SMIM35: variants seen among roughly 807,000 people sequenced by gnomAD.
The protein encoded by SMIM35 is small integral membrane protein 35.
intron 1 of SMIM35, among the ~76,000 whole-genome samples, chr11:118,074,744 C>A (rs1462917293): frequency 1.2e-5 from 1 of 81,184 alleles, no homozygotes; most frequent in African/African-American, 4.5e-5. Context: ...GGGACCCTGT[C>A]TCAGAAAAAA....
intron 1 of SMIM35, among the ~76,000 whole-genome samples, chr11:118,057,672 G>C (rs1944335381): frequency 6.6e-6 from 1 of 152,230 alleles, no homozygotes. Flanking sequence ...TATTATATTT[G>C]CAAGTGAGTG....
intron 1 of SMIM35, among the ~76,000 whole-genome samples, chr11:118,029,512 G>T (rs564137701): frequency 6.6e-6 from 1 of 152,168 alleles, no homozygotes; most frequent in Non-Finnish European, 1.5e-5. Context: ...CTTGCCAGCT[G>T]GGGGAAGTTC....
rs550763977 is a variant in SMIM35 at position 118,041,341 on chromosome 11, TCAA to T, written c.8-25535_8-25533del. On this transcript the variant is annotated intron_variant, in intron 1 of 4. Transcript: ENST00000689828. ...AACAGACATCTGTAAAACACTCCAC[TCAA>T]CAACAAAATATGCATTCAAGTGTAC... 5.7e-4 allele frequency among the ~76,000 whole-genome samples: 87 copies of T among 152,084 alleles called. 2 individuals carry two copies. The South Asian group carries it at 0.017, about 30-fold the overall frequency.
chr11:118,084,802 CA>C (rs1945419516), intron 1 of SMIM35, among the ~76,000 whole-genome samples: 1 of 152,222 alleles, frequency 6.6e-6, no homozygotes, highest in South Asian at 2.1e-4. Context: ...CCCCATTTTA[CA>C]GATGAGAAAA....
chr11:118,066,936 T>C (rs1391984401), intron 1 of SMIM35, among the ~76,000 whole-genome samples: 11 of 151,746 alleles, frequency 7.2e-5, no homozygotes, highest in Admixed American at 4.6e-4. Flanking sequence ...AGAAAGATAA[T>C]GGGAGCCCCT....
intron 1 of SMIM35, among the ~76,000 whole-genome samples, chr11:118,037,233 G>A (rs1047850795): frequency 1.2e-4 from 18 of 152,192 alleles, no homozygotes; most frequent in African/African-American, 3.9e-4. Context: ...GGATGCCTTC[G>A]ATGTCATTAA....
chr11:118,013,212 C>T (rs2058159339), intron 4 of SMIM35, among the ~76,000 whole-genome samples: 1 of 152,162 alleles, frequency 6.6e-6, no homozygotes, highest in East Asian at 1.9e-4. Context: ...GGGATGAGGG[C>T]AGTCCAGGGG....
intron 1 of SMIM35, among the ~76,000 whole-genome samples, chr11:118,059,925 C>A (rs1025731236): frequency 1.2e-4 from 18 of 152,186 alleles, no homozygotes; most frequent in African/African-American, 4.3e-4. Flanking sequence ...AGATAAGTAC[C>A]AAAGCAAGCT....
chr11:118,067,757 G>A (rs573962649), intron 1 of SMIM35, among the ~76,000 whole-genome samples: 12 of 150,448 alleles, frequency 8.0e-5, no homozygotes, highest in East Asian at 2.0e-4. Flanking sequence ...GCTTGAACCC[G>A]GGAGATGGAG....
chr11:118,056,677 C>T (rs562309723), intron 1 of SMIM35, among the ~76,000 whole-genome samples: 38 of 152,152 alleles, frequency 2.5e-4, no homozygotes, highest in African/African-American at 8.7e-4. Context: ...AAAGAGAGGG[C>T]CACAGAGGAA....
At chr11:118,025,873 A>G (rs1326090763) in intron 1 of SMIM35, 2 of 407,166 alleles carry the variant, frequency 4.9e-6, no homozygotes, top group Non-Finnish European at 9.3e-6. Flanking sequence ...TGCCAAGGCC[A>G]ATGTCCAGAA....
chr11:118,071,888 G>A (rs1314878854), intron 1 of SMIM35, among the ~76,000 whole-genome samples: 2 of 152,172 alleles, frequency 1.3e-5, no homozygotes, highest in Non-Finnish European at 2.9e-5. Context: ...CTGAGATTCT[G>A]CACTTCTAAC....
chr11:118,036,408 G>A (rs1382707349), intron 1 of SMIM35, among the ~76,000 whole-genome samples: 4 of 152,190 alleles, frequency 2.6e-5, no homozygotes, highest in Admixed American at 2.6e-4. Context: ...GGATTTGAAA[G>A]TTTCCATTTT....
At chr11:118,074,723 G>C (rs139576696) in intron 1 of SMIM35, among the ~76,000 whole-genome samples, 1,910 of 149,834 alleles carry the variant, frequency 0.013, 42 homozygotes, top group African/African-American at 0.043. Flanking sequence ...CTCCAGCCTG[G>C]GCAACAGAGG....
intron 1 of SMIM35, among the ~76,000 whole-genome samples, chr11:118,032,671 C>T (rs1028726503): frequency 5.3e-5 from 8 of 152,034 alleles, no homozygotes; most frequent in Non-Finnish European, 8.8e-5. Context: ...CTTTGAGAGG[C>T]CGAGATGTGG....
intron 1 of SMIM35, among the ~76,000 whole-genome samples, chr11:118,080,555 G>T (rs1945047559): frequency 6.6e-6 from 1 of 152,102 alleles, no homozygotes; most frequent in African/African-American, 2.4e-5. Flanking sequence ...GTGACCCCAG[G>T]CCTCTCTCCT....
At chr11:118,048,379 G>A (rs1234670478) in intron 1 of SMIM35, among the ~76,000 whole-genome samples, 5 of 152,106 alleles carry the variant, frequency 3.3e-5, no homozygotes, top group African/African-American at 9.7e-5. Context: ...TGGACCTGCT[G>A]GCGTGCTCCT....
chr11:118,022,030 G>GTTTT (rs1350305946), intron 1 of SMIM35, among the ~76,000 whole-genome samples: 2 of 133,838 alleles, frequency 1.5e-5, no homozygotes, highest in African/African-American at 5.8e-5. Context: ...AAAACAATAA[G>GTTTT]TCTTTTTTTT....
In SMIM35 at chr11:118,014,035, G is replaced by A. The variant is rs74433218; in HGVS notation, c.159-155C>T. On this transcript the variant is annotated intron_variant, in intron 3 of 4. Coordinates refer to ENST00000689828, the MANE Select transcript of SMIM35 (RefSeq NM_001394165.1). ...TAATCATCTCTCAGGGCCAAAGGAGGTACAGCCCTGCCTGTGGCAAGTAGA... is the reference window on the plus strand; with the variant it reads ...TAATCATCTCTCAGGGCCAAAGGAGATACAGCCCTGCCTGTGGCAAGTAGA... Among the ~76,000 whole-genome samples the A allele has an allele frequency of 6.1e-3, 929 of 152,290 alleles. 8 individuals carry two copies. Among genetic ancestry groups the A allele is most frequent in the African/African-American group, 0.021 (885 of 41,540 alleles).
Sources: allele counts gnomAD v4.1 joint callset (sites outside exome capture counted in the v4.1 genomes callset), GRCh38; gene constraint gnomAD v4.1.1; transcripts MANE v1.5; gene names NCBI Gene and HGNC (gene_info 2026-07-23, HGNC 2026-07-21).